Variants in FARS2 observed in about 807,000 individuals in gnomAD.
FARS2 encodes the protein phenylalanine--tRNA ligase, mitochondrial.
FARS2 carries 40 observed loss-of-function variants against 46.4 expected under a neutral mutation model. That is an observed-to-expected ratio of 0.86 (90% CI 0.67 to 1.12). FARS2 has a LOEUF of 1.12. Ranked by LOEUF, FARS2 falls within the 50% of genes most tolerant of loss-of-function variation. The pLI, the probability that FARS2 is intolerant of heterozygous loss-of-function variation, is 0.00. For missense variants in FARS2, 513 were observed against 567.9 expected (o/e 0.90, Z 0.98); for synonymous variants, 234 against 214.9 (o/e 1.09, Z -0.78).
chr6:5,404,725 C>T lies in FARS2; in HGVS notation c.772+24C>T, dbSNP rs7759327. 101,675 of 1,491,830 alleles carry T rather than the reference C, an allele frequency of 0.068. 4,071 individuals are homozygous for T. Among genetic ancestry groups the T allele is most frequent in the Admixed American group, 0.12 (6,040 of 49,512 alleles). The allele number at this position is 1,491,830 out of a possible 1,614,324, so 92.4% of individuals were successfully genotyped here. On this transcript the variant is annotated intron_variant, in intron 3 of 6. Coordinates refer to ENST00000274680, the MANE Select transcript of FARS2 (RefSeq NM_006567.5). ...TGGTAAGTGCTCAAACACAGGTTGA[C>T]GATCTCTTATCTGAAATACTTGGGA...
chr6:5,428,293 C>T (rs1044925229), intron 3 of FARS2, among the ~76,000 whole-genome samples: 1 of 151,912 alleles, frequency 6.6e-6, no homozygotes, highest in Non-Finnish European at 1.5e-5. Context: ...TTTAACCTAT[C>T]CAAAATGATT....
chr6:5,267,586 T>TA (rs992413738), intron 1 of FARS2, among the ~76,000 whole-genome samples: 3 of 151,618 alleles, frequency 2.0e-5, no homozygotes, highest in Non-Finnish European at 2.9e-5. Flanking sequence ...CCGTCTCTAC[T>TA]AAAAAAATAC....
intron 4 of FARS2, among the ~76,000 whole-genome samples, chr6:5,539,384 G>GTGTATATATATATATATATATATT: frequency 1.3e-5 from 1 of 79,582 alleles, no homozygotes; most frequent in Non-Finnish European, 2.8e-5. Context: ...TTTTTTTTGT[G>GTGTATATATATATATATATATATT]TATATATATA....
chr6:5,718,948 CG>C (rs766118315), intron 6 of FARS2, among the ~76,000 whole-genome samples: 56 of 152,246 alleles, frequency 3.7e-4, no homozygotes, highest in Non-Finnish European at 6.5e-4. Flanking sequence ...TGGAAGATGG[CG>C]GGAATGTTTC....
intron 4 of FARS2, among the ~76,000 whole-genome samples, chr6:5,519,861 A>G (rs1769024353): frequency 6.6e-6 from 1 of 152,248 alleles, no homozygotes; most frequent in South Asian, 2.1e-4. Context: ...ATATTGAGAA[A>G]GTGGTTGATG....
chr6:5,363,134 G>A (rs944584350), intron 1 of FARS2, among the ~76,000 whole-genome samples: 1 of 151,838 alleles, frequency 6.6e-6, no homozygotes, highest in Non-Finnish European at 1.5e-5. Flanking sequence ...CACCGTGTTA[G>A]CCAGGATGGT....
chr6:5,651,319 A>G (rs932014392), intron 6 of FARS2, among the ~76,000 whole-genome samples: 5 of 152,214 alleles, frequency 3.3e-5, no homozygotes, highest in African/African-American at 1.2e-4. Context: ...GGGCTAACAC[A>G]GGACTGTCGA....
At chr6:5,486,693 G>A (rs1267710590) in intron 4 of FARS2, among the ~76,000 whole-genome samples, 1 of 152,166 alleles carries the variant, frequency 6.6e-6, no homozygotes, top group Non-Finnish European at 1.5e-5. Flanking sequence ...CAGGAGGTCA[G>A]CATGTTGAGG....
At chr6:5,614,535 G>A (rs1582588841) in intron 6 of FARS2, among the ~76,000 whole-genome samples, 1 of 151,464 alleles carries the variant, frequency 6.6e-6, no homozygotes, top group Non-Finnish European at 1.5e-5. Context: ...TCAGCCTCCT[G>A]AGTAGCTGGG....
intron 1 of FARS2, among the ~76,000 whole-genome samples, chr6:5,333,632 A>G (rs1581805977): frequency 6.6e-6 from 1 of 152,202 alleles, no homozygotes; most frequent in East Asian, 1.9e-4. Flanking sequence ...GAGCAGAGGC[A>G]GGCAGGTGTC....
chr6:5,578,133 T>A (rs1329111489), intron 5 of FARS2, among the ~76,000 whole-genome samples: 1 of 152,204 alleles, frequency 6.6e-6, no homozygotes. Context: ...TAATGTTACC[T>A]GAAATGTGAT....
chr6:5,663,122 C>T (rs1247715316), intron 6 of FARS2, among the ~76,000 whole-genome samples: 2 of 152,050 alleles, frequency 1.3e-5, no homozygotes, highest in African/African-American at 4.8e-5. Context: ...TTCACAATGT[C>T]TAAAATAATA....
In FARS2 at chr6:5,706,314, C is replaced by G. The variant is rs555704640; in HGVS notation, c.1218-64977C>G. Among the ~76,000 whole-genome samples the G allele has an allele frequency of 2.6e-5, 4 of 152,178 alleles. No homozygotes were observed. The South Asian group carries it at 8.3e-4, about 32-fold the overall frequency. ...CACAAACGGGTACTGGTCCACAGCC[C>G]GGGGGTGGGGGACTCCTGTGTTAGA... On this transcript the variant is annotated intron_variant, in intron 6 of 6. Coordinates refer to ENST00000274680, the MANE Select transcript of FARS2 (RefSeq NM_006567.5).
chr6:5,395,290 A>G (rs1760835031), intron 2 of FARS2, among the ~76,000 whole-genome samples: 1 of 152,136 alleles, frequency 6.6e-6, no homozygotes, highest in Non-Finnish European at 1.5e-5. Flanking sequence ...ACCTCAAGGA[A>G]TCCACCTGCC....
At chr6:5,302,782 G>A (rs867296289) in intron 1 of FARS2, among the ~76,000 whole-genome samples, 2 of 152,100 alleles carry the variant, frequency 1.3e-5, no homozygotes, top group African/African-American at 4.8e-5. Flanking sequence ...AGAAATGAGA[G>A]TGTTTTGGTT....
intron 6 of FARS2, among the ~76,000 whole-genome samples, chr6:5,722,462 A>G (rs575987335): frequency 3.9e-5 from 6 of 152,358 alleles, no homozygotes; most frequent in African/African-American, 1.4e-4. Context: ...CAGAGGGGTT[A>G]TCTCAGGTGG....
At chr6:5,492,344 C>T (rs528046841) in intron 4 of FARS2, among the ~76,000 whole-genome samples, 36 of 152,264 alleles carry the variant, frequency 2.4e-4, no homozygotes, top group African/African-American at 7.5e-4. Context: ...CTTAAGATAA[C>T]TCAATACAGG....
chr6:5,369,115 A>G lies in FARS2; in HGVS notation c.545A>G (p.Gln182Arg), dbSNP rs543217289. 5.0e-6 allele frequency: 8 copies of G among 1,613,476 alleles called. No homozygotes were observed. The African/African-American group carries it at 9.3e-5, about 19-fold the overall frequency. The change falls in exon 2 of 7, where the codon CAG becomes CGG. Residue 182 changes from glutamine to arginine, a missense_variant. Coordinates refer to ENST00000274680, the MANE Select transcript of FARS2 (RefSeq NM_006567.5). The part of the protein sequence containing the change: ...LVVGDVYRRD[Q>R]IDSQHYPIFH... Reference sequence around the variant, plus strand: ...GTGGGTGATGTCTACAGGCGTGACCAGATCGACTCCCAGCACTACCCTATT... The same window carrying G: ...GTGGGTGATGTCTACAGGCGTGACCGGATCGACTCCCAGCACTACCCTATT...
intron 1 of FARS2, among the ~76,000 whole-genome samples, chr6:5,330,283 T>C (rs985612762): frequency 3.3e-5 from 5 of 152,224 alleles, no homozygotes; most frequent in African/African-American, 1.2e-4. Flanking sequence ...AGTGTTGTCT[T>C]CTAAGTCTTA....
Sources: allele counts gnomAD v4.1 joint callset (sites outside exome capture counted in the v4.1 genomes callset), GRCh38; gene constraint gnomAD v4.1.1; transcripts MANE v1.5; gene names NCBI Gene and HGNC (gene_info 2026-07-23, HGNC 2026-07-21).